EPYC: variants seen among roughly 807,000 people sequenced by gnomAD.
EPYC encodes epiphycan.
In EPYC, 28 loss-of-function variants were observed where a neutral mutation model predicts 30.1. That is an observed-to-expected ratio of 0.93 (90% CI 0.69 to 1.28). The LOEUF is 1.28. Ranked by LOEUF, EPYC falls within the 50% of genes most tolerant of loss-of-function variation. EPYC has a pLI of 0.00. For missense variants in EPYC, 382 were observed against 383.5 expected, an observed-to-expected ratio of 1.00 and a Z score of 0.03; for synonymous variants, 144 against 141.4, an observed-to-expected ratio of 1.02 and a Z score of -0.13.
chr12:91,002,621 CTT>C (rs1877859736), intron 1 of EPYC, 43 bp from the exon 2 acceptor site: 1 of 1,427,728 alleles, frequency 7.0e-7, no homozygotes, highest in African/African-American at 1.5e-5. Context: ...TAATTGATAA[CTT>C]ATGAATAGTT....
At chr12:90,980,375 A>G (rs1877297287) in intron 2 of EPYC, among the ~76,000 whole-genome samples, 1 of 152,220 alleles carries the variant, frequency 6.6e-6, no homozygotes, top group Non-Finnish European at 1.5e-5. Flanking sequence ...CAAATAAAAC[A>G]TAAATGCAAT....
intron 2 of EPYC, among the ~76,000 whole-genome samples, chr12:90,997,180 T>C (rs1040599957): frequency 5.3e-5 from 8 of 152,078 alleles, no homozygotes; most frequent in Non-Finnish European, 8.8e-5. Context: ...CATGTCATCA[T>C]ACAGCAAATA....
intron 2 of EPYC, among the ~76,000 whole-genome samples, chr12:91,000,394 T>C (rs1387300539): frequency 6.6e-6 from 1 of 152,134 alleles, no homozygotes; most frequent in Non-Finnish European, 1.5e-5. Flanking sequence ...TATTGTATAT[T>C]AAGTAATGTT....
rs1877237932 is a variant in EPYC at position 90,978,266 on chromosome 12, A to C, written c.166-4T>G. The C allele has an allele frequency of 2.0e-5, 1 of 48,888 alleles. No individual in the cohort carries two copies. Among genetic ancestry groups the C allele is most frequent in the Non-Finnish European group, 2.7e-5 (1 of 36,854 alleles). The allele number at this position is 48,888 out of a possible 1,614,324, so 3.0% of individuals were successfully genotyped here. A position where few individuals can be genotyped will look rare whatever the true frequency, so the allele number is the denominator to read the frequency against. ...GCATCACTGTGGCTATTTCAATCTG[A>C]AAAAAAAAAAAAAAAGAGAATTTCT... On this transcript the variant is annotated splice_region_variant and splice_polypyrimidine_tract_variant and intron_variant, in intron 2 of 6. Coordinates refer to ENST00000261172, the MANE Select transcript of EPYC (RefSeq NM_004950.5).
chr12:90,971,649 G>C (rs796332844), intron 5 of EPYC, 151 bp downstream of exon 5: 90 of 259,398 alleles, frequency 3.5e-4, no homozygotes, highest in African/African-American at 2.1e-3. Flanking sequence ...CTCAAGCCTG[G>C]GTGACAGAGT....
At chr12:90,972,658 A>G in intron 4 of EPYC, 164 bp downstream of exon 4, 1 of 605,272 alleles carries the variant, frequency 1.7e-6, no homozygotes, top group Admixed American at 3.5e-5. Flanking sequence ...TGTTTTTCTT[A>G]TAATTGTTAA....
Position 90,972,850 on chromosome 12 carries a change from C to A in EPYC, c.471G>T (p.Lys157Asn). The A allele has an allele frequency of 1.2e-6, 2 of 1,613,372 alleles. No homozygotes were observed. The highest frequency in any genetic ancestry group is 1.7e-6 in the Non-Finnish European group (2 of 1,179,616). Residue 157 changes from lysine to asparagine, a missense_variant, in exon 4 of 7, where the codon AAG (lysine) becomes AAT (asparagine). Lys to Asn is a moderately conservative substitution (Grantham distance 94). Coordinates refer to ENST00000261172, the MANE Select transcript of EPYC (RefSeq NM_004950.5). ...GGCTTGCAAAGTCATTTTTGTTGAT[C>A]TTTTTAATTCTGTTAAAGCGGGAAT... Reference protein sequence around the residue: ...YFYSRFNRIKKINKNDFASLS... With the variant: ...YFYSRFNRIKNINKNDFASLS...
chr12:90,966,404 T>G (rs1876896497), intron 6 of EPYC, among the ~76,000 whole-genome samples: 1 of 152,102 alleles, frequency 6.6e-6, no homozygotes, highest in Non-Finnish European at 1.5e-5. Context: ...AATAATCATA[T>G]GGTTTTAAGC....
intron 1 of EPYC, among the ~76,000 whole-genome samples, chr12:91,002,784 G>T (rs79259900): frequency 0.031 from 4,681 of 151,924 alleles, 125 homozygotes; most frequent in South Asian, 0.082. Context: ...TCACAAACCT[G>T]TCTCTAATTT....
At chr12:90,980,359 TCC>T (rs1877297057) in intron 2 of EPYC, among the ~76,000 whole-genome samples, 1 of 152,198 alleles carries the variant, frequency 6.6e-6, no homozygotes, top group African/African-American at 2.4e-5. Flanking sequence ...TGTTCATGCT[TCC>T]TTGCAAATAA....
At chr12:91,003,487 A>G in intron 1 of EPYC, among the ~76,000 whole-genome samples, 1 of 152,036 alleles carries the variant, frequency 6.6e-6, no homozygotes, top group East Asian at 1.9e-4. Flanking sequence ...CTTATTTTCC[A>G]TTATAACATT....
At chr12:90,964,756 A>T (rs1303833677) in intron 6 of EPYC, among the ~76,000 whole-genome samples, 1 of 152,156 alleles carries the variant, frequency 6.6e-6, no homozygotes, top group Non-Finnish European at 1.5e-5. Context: ...CTGAGGAATC[A>T]ACATGGAATG....
intron 2 of EPYC, among the ~76,000 whole-genome samples, chr12:90,997,620 C>T (rs1877723990): frequency 6.6e-6 from 1 of 152,074 alleles, no homozygotes. Flanking sequence ...TTGAACAATG[C>T]AGTTTTCTGA....
At chr12:90,987,507 T>G (rs1877482487) in intron 2 of EPYC, among the ~76,000 whole-genome samples, 1 of 152,198 alleles carries the variant, frequency 6.6e-6, no homozygotes, top group African/African-American at 2.4e-5. Context: ...TTCTTATTTA[T>G]CTCATAGAGA....
At chr12:90,998,062 C>T (rs7358749) in intron 2 of EPYC, among the ~76,000 whole-genome samples, 123,708 of 151,948 alleles carry the variant, frequency 0.81, 50,673 homozygotes, top group Non-Finnish European at 0.87. Context: ...ACTTACCTAA[C>T]TACTCTTTGT....
chr12:91,004,732 A>G (rs1326106897), intron 1 of EPYC, among the ~76,000 whole-genome samples: 1 of 152,110 alleles, frequency 6.6e-6, no homozygotes, highest in African/African-American at 2.4e-5. Context: ...GACTACTGAG[A>G]TTAACTATTT....
At chr12:90,964,737 T>C (rs999593673) in intron 6 of EPYC, among the ~76,000 whole-genome samples, 1 of 151,780 alleles carries the variant, frequency 6.6e-6, no homozygotes, top group Non-Finnish European at 1.5e-5. Context: ...GAACATCAGG[T>C]TTAGAGTCCT....
In EPYC at chr12:90,999,340, C is replaced by T. The variant is rs1877768381; in HGVS notation, c.165+3061G>A. Among the ~76,000 whole-genome samples, 3 of 152,082 alleles carry T rather than the reference C, an allele frequency of 2.0e-5. No individual in the cohort carries two copies. The South Asian group carries it at 6.2e-4, about 32-fold the overall frequency. On this transcript the variant is annotated intron_variant, in intron 2 of 6. Transcript: ENST00000261172. ...GGGTCTATTACACTAGTCCAAAATG[C>T]CAAGTCTTATAACTTATAAGAAACT... is the stretch of plus-strand genomic sequence containing the variant.
At chr12:90,984,313 T>A (rs1044312489) in intron 2 of EPYC, among the ~76,000 whole-genome samples, 2 of 152,102 alleles carry the variant, frequency 1.3e-5, no homozygotes, top group Non-Finnish European at 2.9e-5. Context: ...GACCATTGTG[T>A]GTTCTTGGGT....
Sources: gnomAD v4.1 joint callset for allele counts (sites outside exome capture counted in the v4.1 genomes callset) on GRCh38, gnomAD v4.1.1 for gene constraint, MANE v1.5 for transcripts, NCBI Gene and HGNC (gene_info 2026-07-23, HGNC 2026-07-21) for gene names.